TRIM50: variants seen among roughly 807,000 people sequenced by gnomAD.
TRIM50 encodes the protein tripartite motif containing 50, also known as E3 ubiquitin-protein ligase TRIM50.
In TRIM50, 34 loss-of-function variants were observed where a neutral mutation model predicts 44.9. That is an observed-to-expected ratio of 0.76 (90% confidence interval 0.58 to 1.01). The LOEUF (loss-of-function observed/expected upper bound fraction) is 1.01. Ranked by LOEUF, TRIM50 falls within the 50% of genes least tolerant of loss-of-function variation. The pLI is 0.00. For missense variants in TRIM50, 633 were observed against 663.7 expected (o/e 0.95, Z 0.51); for synonymous variants, 307 against 291.1 (o/e 1.05, Z -0.56).
At position 73,313,086 on chromosome 7, in the gene TRIM50, G is replaced by A. The variant is rs1554543261; in HGVS notation, c.1299C>T (p.Pro433=). The A allele has an allele frequency of 4.4e-6, 7 of 1,591,452 alleles. No homozygotes were observed. The highest frequency in any genetic ancestry group is 1.8e-5 in the Admixed American group (1 of 56,320). The change falls in exon 7 of 7, where the codon CCC becomes CCT. Residue 433 remains proline, a synonymous_variant. Coordinates refer to ENST00000333149, the MANE Select transcript of TRIM50 (RefSeq NM_178125.3). The surrounding 1 kb of genome is among the most constrained non-coding windows in gnomAD (Gnocchi z 4.9). ...AGGTGTAGAGCGGCCGCAGGTCATC[G>A]GGGCGGTCGGCATCGAAGAAGGTGA... ...GELTFFDADR[P]DDLRPLYTFQ...
intron 1 of TRIM50, 96 bp downstream of exon 1, chr7:73,327,804 C>T (rs1170393647): frequency 7.5e-6 from 2 of 266,810 alleles, no homozygotes; most frequent in East Asian, 1.0e-4. Flanking sequence ...ATGCCCCACG[C>T]GCTCCCACTG....
In TRIM50 at chr7:73,313,400, G is replaced by C. The variant is rs782598903; in HGVS notation, c.985C>G (p.Pro329Ala). ...CAGGTGCTGTAGTCGAAGCGCTCAG[G>C]CTGGCTGGCTCGCCGCTGGGCCAGA... Reference protein sequence around the residue: ...GLLAQRRASQPERFDYSTCVL... With the variant: ...GLLAQRRASQAERFDYSTCVL... The change falls in exon 7 of 7, where the codon CCT becomes GCT. Residue 329 changes from proline to alanine, a missense_variant. By Grantham distance (27) the Pro-to-Ala change is conservative (BLOSUM62 -1). Coordinates refer to ENST00000333149, the MANE Select transcript of TRIM50 (RefSeq NM_178125.3). The surrounding 1 kb of genome is among the most constrained non-coding windows in gnomAD (Gnocchi z 4.9). The C allele has an allele frequency of 6.3e-7, 1 of 1,582,862 alleles. No homozygotes were observed. The highest frequency in any genetic ancestry group is 1.1e-5 in the South Asian group (1 of 87,458).
rs202153646 is a variant in TRIM50, at chr7:73,313,235, C to A, written c.1150G>T (p.Val384Leu). The change falls in exon 7 of 7, where the codon GTG becomes TTG. Residue 384 changes from valine (V) to leucine (L), a missense_variant. By Grantham distance (32) the Val-to-Leu change is conservative. Coordinates refer to ENST00000333149, the MANE Select transcript of TRIM50 (RefSeq NM_178125.3). This position sits in a 1 kb window ranked among gnomAD's most constrained non-coding sequence, Gnocchi z 4.9. ...CCCTCCTTCAGGCCGATCAGCCACA[C>A]GCCGTGCTCGGGGGACCTGTTCAGC... ...GKLNRSPEHG[V>L]WLIGLKEGRV... 64 of 1,594,904 alleles carry A rather than the reference C, an allele frequency of 4.0e-5. No individual in the cohort carries two copies. Among genetic ancestry groups the A allele is most frequent in the Middle Eastern group, 3.3e-4 (2 of 6,058 alleles).
Position 73,313,671 on chromosome 7 carries a change from T to G in TRIM50, c.875-161A>C, listed in dbSNP as rs587593894. On this transcript the variant is annotated intron_variant, in intron 6 of 6. Transcript: ENST00000333149. The surrounding 1 kb of genome is among the most constrained non-coding windows in gnomAD (Gnocchi z 4.9). ...AAGGGGCCAGTACAGGGCTGCTCCCTGAATGAATGAATGAATGAATGAATG... is the reference window on the plus strand; with the variant it reads ...AAGGGGCCAGTACAGGGCTGCTCCCGGAATGAATGAATGAATGAATGAATG... Among the ~76,000 whole-genome samples, 2 of 27,442 alleles carry G rather than the reference T, an allele frequency of 7.3e-5. No homozygotes were observed. Among genetic ancestry groups the G allele is most frequent in the East Asian group, 2.0e-3 (2 of 1,016 alleles). The allele number at this position is 27,442 out of a possible 152,430, so 18.0% of individuals were successfully genotyped here.
chr7:73,316,485 T>A lies in TRIM50; in HGVS notation c.874+80A>T, dbSNP rs564880419. 6 of 1,567,276 alleles carry A rather than the reference T, an allele frequency of 3.8e-6. No homozygotes were observed. The African/African-American group carries it at 6.8e-5, about 18-fold the overall frequency. ...CTCCATCTGAGTTCTCTGTAGCTTA[T>A]TATCTCTCTGATACAATCGATGAAC... On this transcript the variant is annotated intron_variant, in intron 6 of 6. Transcript: ENST00000333149.
Position 73,313,100 on chromosome 7 carries a change from C to T in TRIM50, c.1285G>A (p.Asp429Asn), listed in dbSNP as rs782776291. The change falls in exon 7 of 7, where the codon GAT becomes AAT. Residue 429 changes from aspartate to asparagine, a missense_variant. Transcript: ENST00000333149. The surrounding 1 kb of genome is among the most constrained non-coding windows in gnomAD (Gnocchi z 4.9). ...HYEQGELTFF[D>N]ADRPDDLRPL... Reference sequence around the variant, plus strand: ...CGCAGGTCATCGGGGCGGTCGGCATCGAAGAAGGTGAGTTCGCCCTGCTCA... The same window carrying T: ...CGCAGGTCATCGGGGCGGTCGGCATTGAAGAAGGTGAGTTCGCCCTGCTCA... The T allele has an allele frequency of 1.1e-5, 17 of 1,593,916 alleles. No homozygotes were observed. In the South Asian group the frequency reaches 1.3e-4, roughly 12 times the overall value.
chr7:73,318,893 G>A lies in TRIM50; in HGVS notation c.655C>T (p.Arg219Trp), dbSNP rs145742720. 29 of 1,613,862 alleles carry A rather than the reference G, an allele frequency of 1.8e-5. No homozygotes were observed. Among genetic ancestry groups the A allele is most frequent in the Admixed American group, 6.7e-5 (4 of 59,994 alleles). The stretch of plus-strand genomic sequence containing the variant: ...CACTCGGCTTGGGCCAGCCGCTCCC[G>A]GGTTCCCTGGGCCTGCTCCAGCTGC... ...DMQLEQAQGT[R>W]ERLAQAECVL... Residue 219 changes from arginine to tryptophan, a missense_variant, in exon 4 of 7, where the codon CGG (arginine) becomes TGG (tryptophan). Transcript: ENST00000333149.
At chr7:73,320,917 G>A (rs1464649874) in intron 2 of TRIM50, among the ~76,000 whole-genome samples, 12 of 151,760 alleles carry the variant, frequency 7.9e-5, no homozygotes, top group Non-Finnish European at 1.6e-4. Flanking sequence ...CCAGCTACTC[G>A]GGAGGCTGAG....
intron 3 of TRIM50, among the ~76,000 whole-genome samples, chr7:73,319,442 C>T (rs1248374460): frequency 3.9e-5 from 6 of 152,090 alleles, no homozygotes; most frequent in Non-Finnish European, 7.4e-5. Flanking sequence ...TACAGATGCA[C>T]GCCACCACAC....
chr7:73,317,579 A>T (rs1554544324), intron 5 of TRIM50, among the ~76,000 whole-genome samples: 3 of 151,918 alleles, frequency 2.0e-5, no homozygotes, highest in Non-Finnish European at 4.4e-5. Context: ...GCTGGTCTCG[A>T]ACTCCTGACC....
chr7:73,316,654 G>A lies in TRIM50; in HGVS notation c.785C>T (p.Ala262Val), dbSNP rs1200199246. ...EMPQARPLEG[A>V]FSPISFKPGL... is the part of the protein sequence containing the mutation. ...TGGCTTGAAGGAGATGGGGCTGAATGCGCCTTCTAAGGGCCGGGCCTGCGG... is the reference window on the plus strand; with the variant it reads ...TGGCTTGAAGGAGATGGGGCTGAATACGCCTTCTAAGGGCCGGGCCTGCGG... Residue 262 changes from alanine to valine, a missense_variant, in exon 6 of 7, where the codon GCA (alanine) becomes GTA (valine). Ala to Val is a moderately conservative substitution (Grantham distance 64, BLOSUM62 0). Transcript: ENST00000333149. The A allele has an allele frequency of 3.7e-6, 6 of 1,614,234 alleles. No individual in the cohort carries two copies. The highest frequency in any genetic ancestry group is 5.1e-6 in the Non-Finnish European group (6 of 1,180,050).
chr7:73,313,140 C>T lies in TRIM50; in HGVS notation c.1245G>A (p.Gly415=). Residue 415 remains glycine (G), a synonymous_variant, in exon 7 of 7, where the codon GGG becomes GGA. Transcript: ENST00000333149. This position sits in a 1 kb window ranked among gnomAD's most constrained non-coding sequence, Gnocchi z 4.9. ...CGCCCTGCTCATAGTGCAGGTAGAG[C>T]CCGATGCGGTGGGGGTGGCCGGCCA... The part of the protein sequence containing the change: ...LPVAGHPHRI[G]LYLHYEQGEL... 1 of 1,590,320 alleles carries T rather than the reference C, an allele frequency of 6.3e-7. No individual in the cohort carries two copies. Among genetic ancestry groups the T allele is most frequent in the Non-Finnish European group, 8.6e-7 (1 of 1,168,868 alleles).
chr7:73,317,215 A>G (rs1804384292), intron 5 of TRIM50, among the ~76,000 whole-genome samples: 1 of 151,936 alleles, frequency 6.6e-6, no homozygotes, highest in Non-Finnish European at 1.5e-5. Flanking sequence ...CACCATGCCC[A>G]GCTAATTTTT....
At chr7:73,314,041 C>T (rs1390063171) in intron 6 of TRIM50, 26 of 254,446 alleles carry the variant, frequency 1.0e-4, no homozygotes, top group Non-Finnish European at 4.6e-5. Context: ...CCAGCTGATC[C>T]GTTTACCCCA....
chr7:73,322,470 T>G (rs1315950006), intron 2 of TRIM50, among the ~76,000 whole-genome samples: 2 of 152,118 alleles, frequency 1.3e-5, no homozygotes, highest in African/African-American at 4.8e-5. Context: ...TCCCATTAAC[T>G]AATAAAACAT....
chr7:73,326,924 G>A (rs1554546210), intron 1 of TRIM50, among the ~76,000 whole-genome samples: 3 of 152,020 alleles, frequency 2.0e-5, no homozygotes, highest in African/African-American at 7.2e-5. Context: ...CAAGTAGCTG[G>A]GGTTACAGGC....
At position 73,313,361 on chromosome 7, in the gene TRIM50, G is replaced by T; in HGVS notation, c.1024C>A (p.Arg342Ser). The stretch of plus-strand genomic sequence containing the variant: ...TAGTGGCGGCCGCAGGAGAAGCCGC[G>T]GCTGGCCAGGACGCAGGTGCTGTAG... ...FDYSTCVLAS[R>S]GFSCGRHYWE... is the part of the protein sequence containing the mutation. The change falls in exon 7 of 7, where the codon CGC (arginine) becomes AGC (serine). Residue 342 changes from arginine (R) to serine (S), a missense_variant. Transcript: ENST00000333149. This position sits in a 1 kb window ranked among gnomAD's most constrained non-coding sequence, Gnocchi z 4.9. 1.3e-6 allele frequency: 2 copies of T among 1,598,058 alleles called. 1 individual carries two copies. The highest frequency in any genetic ancestry group is 2.3e-5 in the South Asian group (2 of 88,790).
chr7:73,318,781 C>A, intron 4 of TRIM50, 41 bp downstream of exon 4: 3 of 1,613,958 alleles, frequency 1.9e-6, no homozygotes, highest in Non-Finnish European at 2.5e-6. Flanking sequence ...AGGGGAAGGC[C>A]CTGGCGGGTA....
In TRIM50 at chr7:73,324,808, G is replaced by GTTA; in HGVS notation, c.-18-4_-18-3insTAA. The GTTA allele has an allele frequency of 6.2e-7, 1 of 1,613,128 alleles. No individual in the cohort carries two copies. The highest frequency in any genetic ancestry group is 8.5e-7 in the Non-Finnish European group (1 of 1,179,968). On this transcript the variant is annotated splice_region_variant and splice_polypyrimidine_tract_variant and intron_variant, in intron 1 of 6. Coordinates refer to ENST00000333149, the MANE Select transcript of TRIM50 (RefSeq NM_178125.3). ...GCCATCCACACTCACTGCCCGGGCT[G>GTTA]AAACACAGGCATCCGACCTCAGTCC...
Sources: allele counts gnomAD v4.1 joint callset (sites outside exome capture counted in the v4.1 genomes callset), GRCh38; gene constraint gnomAD v4.1.1; non-coding constraint Gnocchi (gnomAD v3.1); transcripts MANE v1.5; gene names NCBI Gene and HGNC (gene_info 2026-07-23, HGNC 2026-07-21).